CPS1: variants seen among roughly 807,000 people sequenced by gnomAD.
CPS1 encodes carbamoyl-phosphate synthase 1.
Under a neutral mutation model 174.6 loss-of-function variants are expected in CPS1, and 109 were observed. That is an observed-to-expected ratio of 0.62 (90% CI 0.53 to 0.73). The LOEUF is 0.73. Ranked by LOEUF, CPS1 falls within the 30% of genes least tolerant of loss-of-function variation. CPS1 has a pLI of 0.00. For missense variants in CPS1, 1,689 were observed against 1,821.9 expected (o/e 0.93, Z 1.33); for synonymous variants, 637 against 632.0 (o/e 1.01, Z -0.12).
At chr2:210,503,732 G>T (rs189228485) in intron 1 of CPS1, among the ~76,000 whole-genome samples, 1 of 152,148 alleles carries the variant, frequency 6.6e-6, no homozygotes, top group Non-Finnish European at 1.5e-5. Flanking sequence ...TTATTCAGGA[G>T]ACTTCCTCTG....
chr2:210,536,146 T>C (rs1160475506), intron 1 of CPS1, among the ~76,000 whole-genome samples: 1 of 152,138 alleles, frequency 6.6e-6, no homozygotes, highest in Non-Finnish European at 1.5e-5. Flanking sequence ...CCATCCTGAA[T>C]AGACTACATG....
intron 34 of CPS1, chr2:210,671,669 T>C (rs1305898495): frequency 1.3e-5 from 2 of 152,182 alleles, no homozygotes; most frequent in Admixed American, 6.5e-5. Flanking sequence ...AAGTGTTCAA[T>C]ACATGTTTGA....
At chr2:210,579,663 C>T (rs1697843481) in intron 4 of CPS1, 51 bp from the exon 5 acceptor site, 1 of 1,429,466 alleles carries the variant, frequency 7.0e-7, no homozygotes, top group Non-Finnish European at 9.9e-7. Context: ...AAACAATATG[C>T]TGGATTTAAT....
upstream of CPS1, among the ~76,000 whole-genome samples, chr2:210,554,104 C>CATATATACAT (rs1254809593): frequency 1.4e-5 from 2 of 142,908 alleles, no homozygotes; most frequent in Non-Finnish European, 3.0e-5. Flanking sequence ...TATGTATATA[C>CATATATACAT]ACATATATAT....
chr2:210,485,579 A>C (rs1694694282), intron 1 of CPS1, among the ~76,000 whole-genome samples: 1 of 152,098 alleles, frequency 6.6e-6, no homozygotes, highest in Non-Finnish European at 1.5e-5. Flanking sequence ...TTATTTTTAG[A>C]TTTATCTATA....
chr2:210,664,443 G>A (rs886529096), intron 33 of CPS1, among the ~76,000 whole-genome samples: 1 of 151,730 alleles, frequency 6.6e-6, no homozygotes, highest in South Asian at 2.1e-4. Context: ...GGGTTCAAGC[G>A]ATTCTCCTGC....
chr2:210,651,647 T>G (rs1298965091), intron 28 of CPS1, among the ~76,000 whole-genome samples: 1 of 152,194 alleles, frequency 6.6e-6, no homozygotes, highest in Admixed American at 6.5e-5. Flanking sequence ...ATTTTTAAAG[T>G]ATTTTTCCTT....
chr2:210,678,304 A>G lies in CPS1; in HGVS notation c.*319A>G. 7.6e-6 allele frequency: 3 copies of G among 392,660 alleles called. No individual in the cohort carries two copies. Among genetic ancestry groups the G allele is most frequent in the South Asian group, 6.9e-5 (3 of 43,170 alleles). The allele number at this position is 392,660 out of a possible 1,614,324, so 24.3% of individuals were successfully genotyped here. ...CTGATTAATGGTGATCAAGGTAGGA[A>G]AAGTTGCTGTTCTATTTTCTGAACT... On this transcript the variant is annotated 3_prime_UTR_variant, in exon 38 of 38. Transcript: ENST00000233072.
chr2:210,619,543 CAGACT>C (rs1699433551), intron 21 of CPS1: 1 of 152,036 alleles, frequency 6.6e-6, no homozygotes, highest in Non-Finnish European at 1.5e-5. Context: ...GATTCATTTT[CAGACT>C]CACAATTTTT....
intron 1 of CPS1, among the ~76,000 whole-genome samples, chr2:210,478,746 T>C (rs2105937304): frequency 1.3e-5 from 2 of 152,352 alleles, no homozygotes; most frequent in East Asian, 3.9e-4. Flanking sequence ...TTACCTCTTA[T>C]ATTTAAGTCT....
chr2:210,477,863 A>G (rs1305809290), intron 1 of CPS1: 6 of 1,379,492 alleles, frequency 4.3e-6, no homozygotes, highest in Non-Finnish European at 5.1e-6. Flanking sequence ...CATTTTATCA[A>G]TTATTTTTTC....
intron 1 of CPS1, among the ~76,000 whole-genome samples, chr2:210,564,800 A>G (rs1329217766): frequency 6.6e-6 from 1 of 151,862 alleles, no homozygotes; most frequent in Non-Finnish European, 1.5e-5. Flanking sequence ...TGAGACCAGC[A>G]TGGCCAACAT....
At chr2:210,664,626 C>CTTTA (rs1701032854) in intron 33 of CPS1, among the ~76,000 whole-genome samples, 1 of 152,130 alleles carries the variant, frequency 6.6e-6, no homozygotes, top group African/African-American at 2.4e-5. Context: ...ATGCTGTTTT[C>CTTTA]TTTAGCATGG....
chr2:210,502,373 A>C lies in CPS1; in HGVS notation c.3+24607A>C, dbSNP rs558695365. 4.6e-3 allele frequency among the ~76,000 whole-genome samples: 527 copies of C among 114,756 alleles called. 1 individual carries two copies. Among genetic ancestry groups the C allele is most frequent in the South Asian group, 0.011 (39 of 3,518 alleles). The allele number at this position is 114,756 out of a possible 152,430, so 75.3% of individuals were successfully genotyped here. Reference sequence around the variant, plus strand: ...AAAAATAATCTCTCTCTCTCTATATATATATATTTTTTTATATATATGTAT... The same window carrying C: ...AAAAATAATCTCTCTCTCTCTATATCTATATATTTTTTTATATATATGTAT... On this transcript the variant is annotated intron_variant, in intron 1 of 38. Coordinates refer to the CPS1 transcript ENST00000430249.
intron 34 of CPS1, 33 bp from the exon 35 acceptor site, chr2:210,674,869 C>T: frequency 6.4e-7 from 1 of 1,572,750 alleles, no homozygotes; most frequent in Non-Finnish European, 8.8e-7. Context: ...GCATGTATAT[C>T]TAGAAAGTGA....
At chr2:210,526,605 A>G (rs1695978989) in intron 1 of CPS1, among the ~76,000 whole-genome samples, 1 of 151,716 alleles carries the variant, frequency 6.6e-6, no homozygotes, top group Non-Finnish European at 1.5e-5. Flanking sequence ...CTTCAAAGAC[A>G]TTTTTCTTTC....
At chr2:210,587,287 T>C (rs1698141327) in intron 6 of CPS1, among the ~76,000 whole-genome samples, 2 of 152,076 alleles carry the variant, frequency 1.3e-5, no homozygotes, top group African/African-American at 4.8e-5. Flanking sequence ...CATCCTAAAT[T>C]CATAGCGTGC....
Position 210,678,968 on chromosome 2 carries a change from T to C in CPS1, c.*983T>C, listed in dbSNP as rs1257646654. On this transcript the variant is annotated 3_prime_UTR_variant, in exon 38 of 38. Coordinates refer to ENST00000233072, the MANE Select transcript of CPS1 (RefSeq NM_001875.5). ...ACACTGCACTATTAATTCCACCCAC[T>C]GTAAGGGCAAGGACACCATTCCTTC... 6.6e-6 allele frequency: 1 copy of C among 152,204 alleles called. No individual in the cohort carries two copies. Among genetic ancestry groups the C allele is most frequent in the Non-Finnish European group, 1.5e-5 (1 of 68,040 alleles). 9.4% of individuals were successfully genotyped at this position (152,204 alleles called of 1,614,324 possible).
chr2:210,632,039 G>A (rs1451418333), intron 21 of CPS1, among the ~76,000 whole-genome samples: 1 of 152,146 alleles, frequency 6.6e-6, no homozygotes, highest in Non-Finnish European at 1.5e-5. Context: ...GTTTCAAAAA[G>A]CAGTGTTGAA....
Sources: allele counts gnomAD v4.1 joint callset (sites outside exome capture counted in the v4.1 genomes callset), GRCh38; gene constraint gnomAD v4.1.1; transcripts MANE v1.5; gene names NCBI Gene and HGNC (gene_info 2026-07-23, HGNC 2026-07-21).